BFSP2: variants seen among roughly 807,000 people sequenced by gnomAD.
BFSP2 encodes beaded filament structural protein 2.
In BFSP2, 38 loss-of-function variants were observed where a neutral mutation model predicts 44.9. That is an observed-to-expected ratio of 0.85 (90% CI 0.65 to 1.11). The LOEUF (loss-of-function observed/expected upper bound fraction) is 1.11. BFSP2 is among the 50% of genes least tolerant of loss of function. The pLI, the probability that BFSP2 is intolerant of heterozygous loss-of-function variation, is 0.00. For missense variants in BFSP2, 525 were observed against 533.0 expected, an observed-to-expected ratio of 0.99 and a Z score of 0.15; for synonymous variants, 197 against 209.9, an observed-to-expected ratio of 0.94 and a Z score of 0.53.
chr3:133,440,417 G>A (rs868684109), intron 1 of BFSP2, among the ~76,000 whole-genome samples: 11 of 152,282 alleles, frequency 7.2e-5, no homozygotes, highest in African/African-American at 2.4e-4. Flanking sequence ...ATTTGATTTT[G>A]TTGGGGCATC....
At chr3:133,455,273 G>A (rs796498340) in intron 4 of BFSP2, 39 of 152,322 alleles carry the variant, frequency 2.6e-4, no homozygotes, top group African/African-American at 8.7e-4. Flanking sequence ...AGTGCAATAG[G>A]TTTGTTTACA....
At chr3:133,421,846 C>T (rs547249239) in intron 1 of BFSP2, among the ~76,000 whole-genome samples, 9 of 152,266 alleles carry the variant, frequency 5.9e-5, no homozygotes, top group South Asian at 2.1e-4. Flanking sequence ...TGGTGGCTCA[C>T]GCCCGTAATC....
intron 4 of BFSP2, among the ~76,000 whole-genome samples, chr3:133,465,933 C>T (rs1476525563): frequency 6.6e-6 from 1 of 152,164 alleles, no homozygotes; most frequent in Non-Finnish European, 1.5e-5. Context: ...GAAAGAAAGA[C>T]TAGAAACAAT....
At position 133,447,345 on chromosome 3, in the gene BFSP2, G is replaced by A. The variant is rs147942191; in HGVS notation, c.518G>A (p.Arg173Gln). The part of the protein sequence containing the change: ...QVGEAVLENA[R>Q]LMLQTETIQA... The stretch of plus-strand genomic sequence containing the variant: ...GGTGAGGCAGTCTTGGAAAATGCCC[G>A]GCTCATGCTGCAGACAGAAACTATC... Residue 173 changes from arginine (R) to glutamine (Q), a missense_variant, in exon 2 of 7, where the codon CGG becomes CAG. Coordinates refer to ENST00000302334, the MANE Select transcript of BFSP2 (RefSeq NM_003571.4). 72 of 1,614,002 alleles carry A rather than the reference G, an allele frequency of 4.5e-5. No individual in the cohort carries two copies. Among genetic ancestry groups the A allele is most frequent in the African/African-American group, 2.3e-4 (17 of 74,982 alleles).
chr3:133,415,486 A>G (rs1559959841), intron 1 of BFSP2, among the ~76,000 whole-genome samples: 1 of 87,128 alleles, frequency 1.1e-5, no homozygotes, highest in African/African-American at 5.0e-5. Flanking sequence ...TCACCCCTAT[A>G]GTCACCCCTG....
intron 1 of BFSP2, among the ~76,000 whole-genome samples, chr3:133,425,483 G>T (rs980099581): frequency 2.6e-5 from 4 of 152,176 alleles, no homozygotes; most frequent in Non-Finnish European, 5.9e-5. Context: ...CCAGCCCCTG[G>T]GCGAAAACAT....
chr3:133,433,256 A>G lies in BFSP2; in HGVS notation c.490-14061A>G, dbSNP rs1408796055. 3.7e-4 allele frequency among the ~76,000 whole-genome samples: 56 copies of G among 151,992 alleles called. 1 individual carries two copies. The highest frequency in any genetic ancestry group is 1.3e-3 in the African/African-American group (55 of 41,396). On this transcript the variant is annotated intron_variant, in intron 1 of 6. Transcript: ENST00000302334. ...CTTTCCTGTTCCTCACCCTGATCAC[A>G]CTTAGTTTTTTGATGGCAGTTCCAC...
rs144693104 is a variant in BFSP2 at position 133,472,421 on chromosome 3, T to G, written c.1100T>G (p.Val367Gly). ...DMELQNLGAV[V>G]GRLEAELREI... ...GAGCTCCAGAACCTGGGCGCTGTGG[T>G]CGGCCGGCTGGAGGCGGAGCTCAGG... is the stretch of plus-strand genomic sequence containing the variant. Residue 367 changes from valine (V) to glycine (G), a missense_variant, in exon 6 of 7, where the codon GTC (valine) becomes GGC (glycine). Val to Gly is a moderately radical substitution (Grantham distance 109, BLOSUM62 -3). Transcript: ENST00000302334. 3.1e-6 allele frequency: 5 copies of G among 1,614,106 alleles called. No individual in the cohort carries two copies. Among genetic ancestry groups the G allele is most frequent in the Non-Finnish European group, 4.2e-6 (5 of 1,180,004 alleles).
intron 4 of BFSP2, among the ~76,000 whole-genome samples, chr3:133,454,006 G>C (rs1261842376): frequency 6.6e-6 from 1 of 152,116 alleles, no homozygotes; most frequent in Non-Finnish European, 1.5e-5. Flanking sequence ...GGATCAGATT[G>C]GTCCAGAGAA....
intron 4 of BFSP2, among the ~76,000 whole-genome samples, chr3:133,451,589 A>G (rs753450125): frequency 2.0e-5 from 3 of 152,380 alleles, no homozygotes; most frequent in African/African-American, 2.4e-5. Flanking sequence ...ACTTCCTGGT[A>G]TATACAGTAG....
chr3:133,468,801 T>C (rs1019884434), intron 5 of BFSP2, among the ~76,000 whole-genome samples: 2 of 152,154 alleles, frequency 1.3e-5, no homozygotes, highest in Admixed American at 6.5e-5. Context: ...CAAGGTCACA[T>C]TGAGAAAGCG....
At chr3:133,449,405 C>CTTTGTT (rs145314517) in intron 3 of BFSP2, 14,857 of 151,654 alleles carry the variant, frequency 0.098, 750 homozygotes, top group Middle Eastern at 0.18. Flanking sequence ...TTGTTGCTTA[C>CTTTGTT]TTTGTTTTTG....
chr3:133,417,831 TCTCTACTCACCCGTCCTCTCCC>T (rs2073556259), intron 1 of BFSP2, among the ~76,000 whole-genome samples: 2 of 80,286 alleles, frequency 2.5e-5, no homozygotes, highest in East Asian at 5.3e-4. Context: ...TGCCCTCTCC[TCTCTACTCACCCGTCCTCTCCC>T]CTCTACTCAC....
chr3:133,441,983 C>T (rs571784707), intron 1 of BFSP2, among the ~76,000 whole-genome samples: 3 of 152,260 alleles, frequency 2.0e-5, no homozygotes, highest in South Asian at 4.1e-4. Context: ...AGGAGAGGGA[C>T]TGGTATGGTC....
At chr3:133,453,931 C>T (rs530828284) in intron 4 of BFSP2, among the ~76,000 whole-genome samples, 41 of 152,266 alleles carry the variant, frequency 2.7e-4, no homozygotes, top group Admixed American at 2.1e-3. Context: ...TATGGTGTTA[C>T]GAATGTCAGG....
intron 1 of BFSP2, among the ~76,000 whole-genome samples, chr3:133,446,295 C>T (rs1238634266): frequency 6.6e-6 from 1 of 151,874 alleles, no homozygotes; most frequent in Non-Finnish European, 1.5e-5. Flanking sequence ...GTGGCACATG[C>T]CTGTAATCCC....
Position 133,400,672 on chromosome 3 carries a change from C to A in BFSP2, c.489+100C>A. The A allele has an allele frequency of 6.7e-7, 1 of 1,495,688 alleles. No individual in the cohort carries two copies. The highest frequency in any genetic ancestry group is 9.0e-7 in the Non-Finnish European group (1 of 1,106,220). 92.7% of individuals were successfully genotyped at this position (1,495,688 alleles called of 1,614,324 possible). On this transcript the variant is annotated intron_variant, in intron 1 of 6. Coordinates refer to ENST00000302334, the MANE Select transcript of BFSP2 (RefSeq NM_003571.4). This position sits in a 1 kb window ranked among gnomAD's most constrained non-coding sequence, Gnocchi z 4.0. ...AGTAGGCTGAGGCCAGAGAAACTGA[C>A]CATAATCCCCTACACTTTCACACTT...
rs373359574 is a variant in BFSP2 at position 133,466,836 on chromosome 3, G to T, written c.900G>T (p.Ala300=). Residue 300 remains alanine, a synonymous_variant, in exon 5 of 7, where the codon GCG becomes GCT. Coordinates refer to ENST00000302334, the MANE Select transcript of BFSP2 (RefSeq NM_003571.4). The part of the protein sequence containing the change: ...AGALLQAKQQ[A]EVAHMSQTQE... ...GACCTGACTCTCCACAGCAACAGGC[G>T]GAGGTGGCCCACATGTCCCAGACCC... 6.2e-7 allele frequency: 1 copy of T among 1,613,724 alleles called. No homozygotes were observed.
chr3:133,429,724 GAATT>G, intron 1 of BFSP2: 1 of 150,352 alleles, frequency 6.7e-6, no homozygotes, highest in East Asian at 2.0e-4. Flanking sequence ...AAAAAAAATG[GAATT>G]AAGAGATAAA....
Sources: gnomAD v4.1 joint callset for allele counts (sites outside exome capture counted in the v4.1 genomes callset) on GRCh38, gnomAD v4.1.1 for gene constraint, Gnocchi (gnomAD v3.1) non-coding constraint, MANE v1.5 for transcripts, NCBI Gene and HGNC (gene_info 2026-07-23, HGNC 2026-07-21) for gene names.